ESYT1: variants seen among roughly 807,000 people sequenced by gnomAD.
The protein encoded by ESYT1 is extended synaptotagmin 1, also known as extended synaptotagmin-1.
A neutral mutation model predicts 154.2 loss-of-function variants in ESYT1; 116 were observed. That is an observed-to-expected ratio of 0.75 (90% confidence interval 0.65 to 0.88). ESYT1 has a LOEUF of 0.88. ESYT1 is among the 40% of genes least tolerant of loss of function. The probability of loss-of-function intolerance (pLI) is 0.00; values close to 1 mark genes in which losing one functional copy is unlikely to be tolerated. For synonymous variants in ESYT1, 500 were observed against 539.9 expected (o/e 0.93, Z 1.02); for missense variants, 1,264 against 1,379.3 (o/e 0.92, Z 1.32).
Position 56,142,993 on chromosome 12 carries a change from A to C in ESYT1, c.2988-24A>C. 6.2e-7 allele frequency: 1 copy of C among 1,614,110 alleles called. No homozygotes were observed. Among genetic ancestry groups the C allele is most frequent in the Non-Finnish European group, 8.5e-7 (1 of 1,180,010 alleles). On this transcript the variant is annotated intron_variant, in intron 27 of 30. Transcript: ENST00000394048. The surrounding 1 kb of genome is among the most constrained non-coding windows in gnomAD (Gnocchi z 4.1). ...TCCATCCCTTCCCTCAGGTTACCATATCACCTACATCCTCCTGTTGTAGGT... is the reference window on the plus strand; with the variant it reads ...TCCATCCCTTCCCTCAGGTTACCATCTCACCTACATCCTCCTGTTGTAGGT...
At position 56,128,296 on chromosome 12, in the gene ESYT1, G is replaced by A; in HGVS notation, c.-24G>A. 6.3e-7 allele frequency: 1 copy of A among 1,591,376 alleles called. No individual in the cohort carries two copies. The highest frequency in any genetic ancestry group is 8.5e-7 in the Non-Finnish European group (1 of 1,172,288). On this transcript the variant is annotated 5_prime_UTR_variant, in exon 1 of 31. Transcript: ENST00000394048. ...AACCTCCAGCCAGTCCCTGGGTCGG[G>A]CGGATCCTCCCAGAGGTGGCACAAT...
chr12:56,141,735 G>A (rs368179475), intron 24 of ESYT1, among the ~76,000 whole-genome samples: 6 of 151,690 alleles, frequency 4.0e-5, no homozygotes, highest in Admixed American at 6.6e-5. Flanking sequence ...GCGAGACTCC[G>A]TCTCAAAAAT....
chr12:56,132,125 C>G (rs1192288615), intron 7 of ESYT1, 84 bp from the exon 8 acceptor site: 1 of 1,602,660 alleles, frequency 6.2e-7, no homozygotes, highest in Middle Eastern at 1.7e-4. Context: ...CTTTAGGTCT[C>G]TCTTGGGTGT....
At chr12:56,134,019 G>A (rs1870347800) in intron 13 of ESYT1, 91 bp from the exon 14 acceptor site, 18 of 1,559,532 alleles carry the variant, frequency 1.2e-5, no homozygotes, top group Non-Finnish European at 1.6e-5. Context: ...ATCCATCTCA[G>A]GGAAAGGATT....
At chr12:56,137,148 C>T in intron 16 of ESYT1, 70 bp from the exon 17 acceptor site, 1 of 1,581,172 alleles carries the variant, frequency 6.3e-7, no homozygotes, top group Non-Finnish European at 8.7e-7. Context: ...TCCTCTACCC[C>T]ACCCCACATG....
At position 56,128,729 on chromosome 12, in the gene ESYT1, C is replaced by A; in HGVS notation, c.390+20C>A. 6.2e-7 allele frequency: 1 copy of A among 1,612,056 alleles called. No homozygotes were observed. ...GCCTGGGTGAGCGACCACCCTCGGTCCTCTGTGCAGCATAGCCCCCTTCCA... is the reference window on the plus strand; with the variant it reads ...GCCTGGGTGAGCGACCACCCTCGGTACTCTGTGCAGCATAGCCCCCTTCCA... On this transcript the variant is annotated intron_variant, in intron 1 of 30. Coordinates refer to ENST00000394048, the MANE Select transcript of ESYT1 (RefSeq NM_015292.3).
In ESYT1 at chr12:56,132,451, C is replaced by T. The variant is rs756088856; in HGVS notation, c.1015C>T (p.Arg339Ter). The change falls in exon 9 of 31, where the codon CGA becomes TGA. Residue 339 changes from arginine (R) to a stop codon, truncating the protein, a stop_gained. Transcript: ENST00000394048. LOFTEE classifies it high-confidence loss of function. Reference sequence around the variant, plus strand: ...TATTCGAATTCACCTGCTGGCTGCTCGAGGGCTGAGTTCCAAGGACAAATA... The same window carrying T: ...TATTCGAATTCACCTGCTGGCTGCTTGAGGGCTGAGTTCCAAGGACAAATA... ...GIIRIHLLAA[R>*]GLSSKDKYVK... is the part of the protein sequence containing the mutation. 7 of 1,614,074 alleles carry T rather than the reference C, an allele frequency of 4.3e-6. No homozygotes were observed. The highest frequency in any genetic ancestry group is 2.2e-5 in the South Asian group (2 of 91,080).
At chr12:56,130,993 T>A (rs1592244184) in intron 3 of ESYT1, 47 bp from the exon 4 acceptor site, 1 of 1,613,718 alleles carries the variant, frequency 6.2e-7, no homozygotes, top group African/African-American at 1.3e-5. Flanking sequence ...TAGACTCAGG[T>A]ACTTCTCCCT....
Position 56,132,496 on chromosome 12 carries a change from G to T in ESYT1, c.1060G>T (p.Gly354Cys). The change falls in exon 9 of 31, where the codon GGC becomes TGC. Residue 354 changes from glycine (G) to cysteine (C), a missense_variant. Gly to Cys is a radical substitution (Grantham distance 159). Coordinates refer to ENST00000394048, the MANE Select transcript of ESYT1 (RefSeq NM_015292.3). ...CAAATATGTGAAGGGCCTGATTGAGGGCAAGTCAGACCCATATGCACTTGT... is the reference window on the plus strand; with the variant it reads ...CAAATATGTGAAGGGCCTGATTGAGTGCAAGTCAGACCCATATGCACTTGT... ...KDKYVKGLIE[G>C]KSDPYALVRL... 2 of 1,614,176 alleles carry T rather than the reference G, an allele frequency of 1.2e-6. No homozygotes were observed.
At chr12:56,136,998 T>C (rs1205159466) in intron 16 of ESYT1, 105 bp downstream of exon 16, 9 of 1,411,766 alleles carry the variant, frequency 6.4e-6, no homozygotes, top group Non-Finnish European at 8.6e-6. Context: ...AGCTAATACA[T>C]GTAGAAGTGC....
chr12:56,143,784 C>G (rs79340093), intron 30 of ESYT1, 39 bp from the exon 31 acceptor site: 334 of 1,613,796 alleles, frequency 2.1e-4, no homozygotes, highest in Non-Finnish European at 2.6e-4. Context: ...AATATGATGA[C>G]ACAAGAGTCA....
In ESYT1 at chr12:56,128,329, T is replaced by C. The variant is rs769174462; in HGVS notation, c.10T>C (p.Ser4Pro). The C allele has an allele frequency of 1.2e-6, 2 of 1,610,420 alleles. No individual in the cohort carries two copies. Among genetic ancestry groups the C allele is most frequent in the Middle Eastern group, 1.7e-4 (1 of 6,016 alleles). MERSPGEGPSPSPM... is the reference protein window; with the variant it reads MERPPGEGPSPSPM... ...TCCCAGAGGTGGCACAATGGAGCGA[T>C]CTCCAGGAGAGGGCCCCAGCCCCAG... Residue 4 changes from serine (S) to proline (P), a missense_variant, in exon 1 of 31, where the codon TCT (serine) becomes CCT (proline). By Grantham distance (74) the Ser-to-Pro change is moderately conservative (BLOSUM62 -1). Coordinates refer to ENST00000394048, the MANE Select transcript of ESYT1 (RefSeq NM_015292.3).
At chr12:56,139,971 T>G (rs1284244566) in intron 24 of ESYT1, among the ~76,000 whole-genome samples, 1 of 151,796 alleles carries the variant, frequency 6.6e-6, no homozygotes, top group African/African-American at 2.4e-5. Flanking sequence ...CCTCAACTCT[T>G]GGGCTCTAGC....
intron 1 of ESYT1, 128 bp from the exon 2 acceptor site, chr12:56,130,445 TCCTCGCCCC>T: frequency 1.0e-6 from 1 of 1,004,250 alleles, no homozygotes; most frequent in Non-Finnish European, 1.6e-6. Flanking sequence ...CTTTGGGGCA[TCCTCGCCCC>T]TCGCCCACCC....
At chr12:56,141,271 C>T (rs1870672926) in intron 24 of ESYT1, among the ~76,000 whole-genome samples, 2 of 152,108 alleles carry the variant, frequency 1.3e-5, no homozygotes, top group African/African-American at 4.8e-5. Flanking sequence ...TCTTTTATAG[C>T]AGGGAATCAA....
chr12:56,143,755 G>A, intron 30 of ESYT1, 68 bp from the exon 31 acceptor site: 1 of 1,611,682 alleles, frequency 6.2e-7, no homozygotes. Flanking sequence ...AGAAGCCCTT[G>A]GATCGTGTCT....
Position 56,131,778 on chromosome 12 carries a change from C to T in ESYT1, c.834C>T (p.Thr278=). The change falls in exon 7 of 31, where the codon ACC becomes ACT. Residue 278 remains threonine, a synonymous_variant. Transcript: ENST00000394048. The stretch of plus-strand genomic sequence containing the variant: ...TAGACATCAACTGGACAGGGATGAC[C>T]AACCTGCTGGATATCCCAGGACTTA... ...PTLDINWTGM[T]NLLDIPGLSS... The T allele has an allele frequency of 6.2e-7, 1 of 1,614,166 alleles. No individual in the cohort carries two copies. Among genetic ancestry groups the T allele is most frequent in the Non-Finnish European group, 8.5e-7 (1 of 1,180,022 alleles).
rs1870499758 is a variant in ESYT1, at chr12:56,137,313, C to CA, written c.1879dup (p.Ser627LysfsTer14). The CA allele has an allele frequency of 6.2e-7, 1 of 1,614,238 alleles. No individual in the cohort carries two copies. The highest frequency in any genetic ancestry group is 8.5e-7 in the Non-Finnish European group (1 of 1,180,048). On this transcript the variant is annotated frameshift_variant, in exon 17 of 31. Transcript: ENST00000394048. LOFTEE classifies it high-confidence loss of function. ...ACAGTGAGAATCCCCAGAGAGGCAG[C>CA]AGTGTGGATGCCCCACCTCGACCCT... is the stretch of plus-strand genomic sequence containing the variant.
At chr12:56,134,579 C>T in intron 15 of ESYT1, 151 bp downstream of exon 15, 1 of 690,138 alleles carries the variant, frequency 1.4e-6, no homozygotes, top group East Asian at 2.7e-5. Flanking sequence ...CCATTGTTCC[C>T]CAACTGTCGC....
Sources: allele counts gnomAD v4.1 joint callset (sites outside exome capture counted in the v4.1 genomes callset), GRCh38; gene constraint gnomAD v4.1.1; non-coding constraint Gnocchi (gnomAD v3.1); transcripts MANE v1.5; gene names NCBI Gene and HGNC (gene_info 2026-07-23, HGNC 2026-07-21).